The following CNPY2 variants were observed in gnomAD, a reference collection of about 807,000 sequenced individuals.
CNPY2 encodes canopy FGF signaling regulator 2.
In CNPY2, 19 loss-of-function variants were observed where a neutral mutation model predicts 25.5. The ratio of observed to expected loss-of-function variants is 0.74; its 90% CI spans 0.52 to 1.09. The LOEUF is 1.09. Among genes scored for constraint, CNPY2 ranks in the 50% least tolerant of loss-of-function variants. The probability of loss-of-function intolerance (pLI) is 0.00; values close to 1 mark genes in which losing one functional copy is unlikely to be tolerated. For synonymous variants in CNPY2, 82 were observed against 85.0 expected, an observed-to-expected ratio of 0.96 and a Z score of 0.19; for missense variants, 214 against 233.6, an observed-to-expected ratio of 0.92 and a Z score of 0.55.
chr12:56,310,440 G>T lies in CNPY2; in HGVS notation c.*112C>A. 2 of 1,100,952 alleles carry T rather than the reference G, an allele frequency of 1.8e-6. No individual in the cohort carries two copies. The highest frequency in any genetic ancestry group is 2.7e-6 in the Non-Finnish European group (2 of 731,708). 68.2% of individuals were successfully genotyped at this position (1,100,952 alleles called of 1,614,324 possible). On this transcript the variant is annotated 3_prime_UTR_variant, in exon 6 of 6. Coordinates refer to ENST00000273308, the MANE Select transcript of CNPY2 (RefSeq NM_014255.7). ...AAAGACAACACAGTTTGTACTTTTGGTTTCATATTTTTTCAGTTAATTTCA... is the reference window on the plus strand; with the variant it reads ...AAAGACAACACAGTTTGTACTTTTGTTTTCATATTTTTTCAGTTAATTTCA...
Position 56,313,166 on chromosome 12 carries a change from G to A in CNPY2, c.204+1685C>T, listed in dbSNP as rs562847850. On this transcript the variant is annotated intron_variant, in intron 3 of 5. Transcript: ENST00000273308. The stretch of plus-strand genomic sequence containing the variant: ...ACCCCAACAGGACCTGATGTGTGAC[G>A]TTCCCCTCCCTGTGTCCATGTGTTC... Among the ~76,000 whole-genome samples, 20 of 152,092 alleles carry A rather than the reference G, an allele frequency of 1.3e-4. No homozygotes were observed. In the South Asian group the frequency reaches 3.3e-3, roughly 25 times the overall value.
rs1308680249 is a variant in CNPY2, at chr12:56,310,279, T to C, written c.*273A>G. The C allele has an allele frequency of 8.4e-6, 5 of 597,968 alleles. No homozygotes were observed. Among genetic ancestry groups the C allele is most frequent in the Admixed American group, 3.0e-5 (1 of 33,820 alleles). The allele number at this position is 597,968 out of a possible 1,614,324, so 37.0% of individuals were successfully genotyped here. A position where few individuals can be genotyped will look rare whatever the true frequency, so the allele number is the denominator to read the frequency against. On this transcript the variant is annotated 3_prime_UTR_variant, in exon 6 of 6. Coordinates refer to ENST00000273308, the MANE Select transcript of CNPY2 (RefSeq NM_014255.7). The stretch of plus-strand genomic sequence containing the variant: ...ATGAGTGGAGTGGAATCTCAGAAGG[T>C]AGAAGAATTAAAGGTTCAGGCCTCT...
chr12:56,315,081 C>T (rs376345139), intron 2 of CNPY2, 49 bp downstream of exon 2: 165 of 1,598,664 alleles, frequency 1.0e-4, no homozygotes, highest in Non-Finnish European at 2.3e-5. Context: ...GATCTCATGC[C>T]CTCCCAAGGC....
Position 56,311,388 on chromosome 12 carries a change from G to C in CNPY2, c.231C>G (p.His77Gln). The C allele has an allele frequency of 6.2e-7, 1 of 1,614,152 alleles. No individual in the cohort carries two copies. Among genetic ancestry groups the C allele is most frequent in the South Asian group, 1.1e-5 (1 of 91,066 alleles). ...VEVPYARSEA[H>Q]LTELLEEICD... Reference sequence around the variant, plus strand: ...ATATCTCCTCCAGCAGCTCTGTGAGGTGGGCCTCTGAGCGGGCATAAGGCA... The same window carrying C: ...ATATCTCCTCCAGCAGCTCTGTGAGCTGGGCCTCTGAGCGGGCATAAGGCA... The change falls in exon 4 of 6, where the codon CAC (histidine) becomes CAG (glutamine). Residue 77 changes from histidine to glutamine, a missense_variant. His to Gln is a conservative substitution (Grantham distance 24). Coordinates refer to ENST00000273308, the MANE Select transcript of CNPY2 (RefSeq NM_014255.7).
chr12:56,310,691 C>T (rs1188236247), intron 5 of CNPY2, 96 bp from the exon 6 acceptor site: 3 of 1,199,814 alleles, frequency 2.5e-6, no homozygotes, highest in Non-Finnish European at 3.7e-6. Flanking sequence ...CACAAACACA[C>T]ACCAACCACC....
intron 3 of CNPY2, 194 bp downstream of exon 3, chr12:56,314,657 A>G: frequency 7.0e-7 from 1 of 1,433,768 alleles, no homozygotes; most frequent in Non-Finnish European, 9.1e-7. Flanking sequence ...CAGCAGAAAC[A>G]AAGTATTAAG....
chr12:56,314,137 A>T (rs186847906), intron 3 of CNPY2, among the ~76,000 whole-genome samples: 8 of 151,466 alleles, frequency 5.3e-5, no homozygotes, highest in Admixed American at 5.3e-4. Context: ...TTCTAACCTC[A>T]GGTGATCCGC....
chr12:56,315,173 CAGCAGGGCCCCCAGA>C lies in CNPY2; in HGVS notation c.30_44del (p.Leu11_Leu15del), dbSNP rs761587536. 1 of 1,614,190 alleles carries C rather than the reference CAGCAGGGCCCCCAGA, an allele frequency of 6.2e-7. No homozygotes were observed. The highest frequency in any genetic ancestry group is 2.2e-5 in the East Asian group (1 of 44,888). ...GGCTCCTCCGAGCCCAGGCGGTTCC[CAGCAGGGCCCCCAGA>C]AGCAGGGCCAGCCAACCCCAGCCTT... On this transcript the variant is annotated inframe_deletion, in exon 2 of 6. Transcript: ENST00000273308.
intron 3 of CNPY2, among the ~76,000 whole-genome samples, chr12:56,314,304 G>C (rs748378457): frequency 6.6e-6 from 1 of 152,170 alleles, no homozygotes; most frequent in African/African-American, 2.4e-5. Context: ...CCAAGCAGCT[G>C]TCACTACAGG....
Position 56,315,870 on chromosome 12 carries a change from A to C in CNPY2, c.-75T>G, listed in dbSNP as rs1256687015. ...GGCCCAAGCGCTGGAAGACCGCTGG[A>C]CTCTCACTTTGGCCCCAGTGGCTCC... On this transcript the variant is annotated 5_prime_UTR_variant, in exon 1 of 6. Transcript: ENST00000273308. 1 of 153,590 alleles carries C rather than the reference A, an allele frequency of 6.5e-6. No homozygotes were observed. The highest frequency in any genetic ancestry group is 1.9e-4 in the East Asian group (1 of 5,224). The allele number at this position is 153,590 out of a possible 1,614,324, so 9.5% of individuals were successfully genotyped here. A position where few individuals can be genotyped will look rare whatever the true frequency, so the allele number is the denominator to read the frequency against.
intron 5 of CNPY2, 76 bp from the exon 6 acceptor site, chr12:56,310,671 A>G: frequency 6.8e-7 from 1 of 1,462,342 alleles, no homozygotes; most frequent in Non-Finnish European, 9.6e-7. Context: ...AATTTCCCAG[A>G]CCAAGCTGAC....
chr12:56,310,308 A>G lies in CNPY2; in HGVS notation c.*244T>C, dbSNP rs1873680173. ...AGAATTAAAGGTTCAGGCCTCTCCT[A>G]CCTTTATCCTGTATCAATCCCAAAA... On this transcript the variant is annotated 3_prime_UTR_variant, in exon 6 of 6. Coordinates refer to ENST00000273308, the MANE Select transcript of CNPY2 (RefSeq NM_014255.7). The G allele has an allele frequency of 1.7e-6, 1 of 600,512 alleles. No homozygotes were observed. The highest frequency in any genetic ancestry group is 2.9e-5 in the Admixed American group (1 of 33,986). 37.2% of individuals were successfully genotyped at this position (600,512 alleles called of 1,614,324 possible).
chr12:56,315,003 G>A (rs910542167), intron 2 of CNPY2, 37 bp from the exon 3 acceptor site: 10 of 1,609,960 alleles, frequency 6.2e-6, no homozygotes, highest in Non-Finnish European at 7.6e-6. Context: ...AGGGGACAGG[G>A]TAGGGGGTAG....
intron 3 of CNPY2, among the ~76,000 whole-genome samples, chr12:56,314,149 T>C (rs1456299419): frequency 6.6e-6 from 1 of 152,048 alleles, no homozygotes; most frequent in Non-Finnish European, 1.5e-5. Flanking sequence ...GTGATCCGCC[T>C]GCCTTGGCCT....
chr12:56,311,022 T>C lies in CNPY2; in HGVS notation c.441A>G (p.Glu147=), dbSNP rs1873700600. 1 of 1,614,110 alleles carries C rather than the reference T, an allele frequency of 6.2e-7. No homozygotes were observed. The highest frequency in any genetic ancestry group is 8.5e-7 in the Non-Finnish European group (1 of 1,180,040). The part of the protein sequence containing the change: ...CESIVEEYED[E]LIEFFSREAD... ...CCTCTCGGGAAAAGAATTCAATGAG[T>C]TCATCCTCGTATTCCTCCACAATGC... is the stretch of plus-strand genomic sequence containing the variant. Residue 147 remains glutamate (E), a synonymous_variant, in exon 5 of 6, where the codon GAA becomes GAG. Coordinates refer to ENST00000273308, the MANE Select transcript of CNPY2 (RefSeq NM_014255.7).
At chr12:56,315,055 C>G (rs901046525) in intron 2 of CNPY2, 75 bp downstream of exon 2, 86 of 1,598,808 alleles carry the variant, frequency 5.4e-5, no homozygotes, top group Non-Finnish European at 7.0e-5. Context: ...TCCATTCATC[C>G]TTCTCCCAGG....
At position 56,314,981 on chromosome 12, in the gene CNPY2, G is replaced by C; in HGVS notation, c.89-15C>G. 6.2e-7 allele frequency: 1 copy of C among 1,614,066 alleles called. No individual in the cohort carries two copies. The highest frequency in any genetic ancestry group is 8.5e-7 in the Non-Finnish European group (1 of 1,179,958). On this transcript the variant is annotated splice_polypyrimidine_tract_variant and intron_variant, in intron 2 of 5. Transcript: ENST00000273308. ...AGCCCTGCATGCTGGTGGAAGAGGAGAGAATGAGAGCAGGGGACAGGGTAG... is the reference window on the plus strand; with the variant it reads ...AGCCCTGCATGCTGGTGGAAGAGGACAGAATGAGAGCAGGGGACAGGGTAG...
chr12:56,314,957 G>C lies in CNPY2; in HGVS notation c.98C>G (p.Ala33Gly). 6.2e-7 allele frequency: 1 copy of C among 1,614,130 alleles called. No individual in the cohort carries two copies. Among genetic ancestry groups the C allele is most frequent in the Non-Finnish European group, 8.5e-7 (1 of 1,180,008 alleles). Residue 33 changes from alanine to glycine, a missense_variant, in exon 3 of 6, where the codon GCT becomes GGT. Coordinates refer to ENST00000273308, the MANE Select transcript of CNPY2 (RefSeq NM_014255.7). ...TTCCCATTCTAGTTCATCCACCAGA[G>C]CCCTGCATGCTGGTGGAAGAGGAGA... is the stretch of plus-strand genomic sequence containing the variant. Reference protein sequence around the residue: ...SQDLHCGACRALVDELEWEIA... With the variant: ...SQDLHCGACRGLVDELEWEIA...
At chr12:56,312,222 C>CTTTTTTTTTTTTTTTTTTT (rs56822059) in intron 3 of CNPY2, among the ~76,000 whole-genome samples, 4 of 135,892 alleles carry the variant, frequency 2.9e-5, no homozygotes, top group African/African-American at 9.2e-5. Flanking sequence ...CAAAGTACTT[C>CTTTTTTTTTTTTTTTTTTT]TTTTTTTTTT....
Sources: gnomAD v4.1 joint callset for allele counts (sites outside exome capture counted in the v4.1 genomes callset) on GRCh38, gnomAD v4.1.1 for gene constraint, MANE v1.5 for transcripts, NCBI Gene and HGNC (gene_info 2026-07-23, HGNC 2026-07-21) for gene names.